CSMD2: variants seen among roughly 807,000 people sequenced by gnomAD.
CSMD2 encodes the protein CUB and sushi domain-containing protein 2.
In CSMD2, 130 loss-of-function variants were observed where a neutral mutation model predicts 398.5. That is an observed-to-expected ratio of 0.33 (90% confidence interval 0.28 to 0.38). The LOEUF (loss-of-function observed/expected upper bound fraction) is 0.38. Ranked by LOEUF, CSMD2 falls within the 10% of genes least tolerant of loss-of-function variation. The probability of loss-of-function intolerance (pLI) is 1.00; values close to 1 mark genes in which losing one functional copy is unlikely to be tolerated. For missense variants in CSMD2, 3,829 were observed against 4,764.9 expected (o/e 0.80, Z 5.78); for synonymous variants, 1,828 against 1,908.5 (o/e 0.96, Z 1.10).
At position 34,077,456 on chromosome 1, in the gene CSMD2, C is replaced by CAA. The variant is rs34856451; in HGVS notation, c.404+11519_404+11520dup. Among the ~76,000 whole-genome samples the CAA allele has an allele frequency of 8.6e-3, 242 of 28,262 alleles. 14 individuals carry two copies. The highest frequency in any genetic ancestry group is 0.011 in the Non-Finnish European group (173 of 15,912). The allele number at this position is 28,262 out of a possible 152,430, so 18.5% of individuals were successfully genotyped here. A position where few individuals can be genotyped will look rare whatever the true frequency, so the allele number is the denominator to read the frequency against. ...TGGGCTAAAGAGCGGAACTCCGTCT[C>CAA]AAAAAAAAAAAAAAAAAAAAAAGCA... On this transcript the variant is annotated intron_variant, in intron 2 of 70. Transcript: ENST00000373381.
chr1:33,603,908 C>A (rs1640402675), intron 42 of CSMD2, among the ~76,000 whole-genome samples: 1 of 152,208 alleles, frequency 6.6e-6, no homozygotes, highest in Non-Finnish European at 1.5e-5. Context: ...AAACATGGCA[C>A]ATTGGAAAAC....
chr1:33,964,930 A>G (rs568747992), intron 3 of CSMD2, among the ~76,000 whole-genome samples: 125 of 152,330 alleles, frequency 8.2e-4, no homozygotes, highest in African/African-American at 2.8e-3. Flanking sequence ...TAGCAAGACT[A>G]TAGAGGATCA....
chr1:33,596,819 C>A (rs1009764857), intron 44 of CSMD2, among the ~76,000 whole-genome samples: 17 of 152,180 alleles, frequency 1.1e-4, no homozygotes, highest in Admixed American at 5.2e-4. Context: ...GGGACACAGC[C>A]AAACCATATC....
intron 4 of CSMD2, among the ~76,000 whole-genome samples, chr1:33,928,897 T>G (rs1644217136): frequency 6.6e-6 from 1 of 152,312 alleles, no homozygotes; most frequent in East Asian, 1.9e-4. Context: ...CTCTTTGCTA[T>G]CTACAGTGTT....
chr1:33,878,746 A>T (rs183159284), intron 5 of CSMD2, among the ~76,000 whole-genome samples: 1 of 152,356 alleles, frequency 6.6e-6, no homozygotes, highest in East Asian at 1.9e-4. Flanking sequence ...CAAATGGGAA[A>T]AGCAAGCCCT....
intron 1 of CSMD2, among the ~76,000 whole-genome samples, chr1:34,150,539 A>G (rs1640209780): frequency 6.6e-6 from 1 of 152,098 alleles, no homozygotes; most frequent in African/African-American, 2.4e-5. Flanking sequence ...CAACTGCAAA[A>G]TGACAGAATT....
At chr1:34,162,765 A>C (rs1033780512) in intron 1 of CSMD2, among the ~76,000 whole-genome samples, 2 of 152,314 alleles carry the variant, frequency 1.3e-5, no homozygotes, top group African/African-American at 4.8e-5. Context: ...AGACTGAGGC[A>C]GGAGAATCGC....
intron 2 of CSMD2, among the ~76,000 whole-genome samples, chr1:34,063,710 C>G (rs1654785319): frequency 6.6e-6 from 1 of 152,194 alleles, no homozygotes; most frequent in Admixed American, 6.5e-5. Flanking sequence ...ATCTACCATT[C>G]TGGGGTCTGG....
rs1642775526 is a variant in CSMD2, at chr1:33,635,973, A to C, written c.4969+387T>G. Among the ~76,000 whole-genome samples, 1 of 152,060 alleles carries C rather than the reference A, an allele frequency of 6.6e-6. No individual in the cohort carries two copies. The highest frequency in any genetic ancestry group is 1.5e-5 in the Non-Finnish European group (1 of 67,992). On this transcript the variant is annotated intron_variant, in intron 30 of 70. Coordinates refer to ENST00000373381, the MANE Select transcript of CSMD2 (RefSeq NM_001281956.2). This position sits in a 1 kb window ranked among gnomAD's most constrained non-coding sequence, Gnocchi z 5.0. The stretch of plus-strand genomic sequence containing the variant: ...TCACCCAGACCCACCTGGAATCAGC[A>C]CACCCTGCGGGCCTTACTTCAACAT...
Position 33,583,628 on chromosome 1 carries a change from T to C in CSMD2, c.7240+14A>G. Reference sequence around the variant, plus strand: ...TTCTGCAGCAGAGAACTGTGAGGCATTTGACTGACTTACCATCAAAAATCT... The same window carrying C: ...TTCTGCAGCAGAGAACTGTGAGGCACTTGACTGACTTACCATCAAAAATCT... On this transcript the variant is annotated intron_variant, in intron 47 of 70. Coordinates refer to ENST00000373381, the MANE Select transcript of CSMD2 (RefSeq NM_001281956.2). 6.2e-7 allele frequency: 1 copy of C among 1,612,378 alleles called. No individual in the cohort carries two copies. Among genetic ancestry groups the C allele is most frequent in the Middle Eastern group, 1.7e-4 (1 of 6,048 alleles).
intron 3 of CSMD2, among the ~76,000 whole-genome samples, chr1:33,964,179 G>A (rs976399303): frequency 4.6e-5 from 7 of 152,176 alleles, no homozygotes; most frequent in South Asian, 2.1e-4. Context: ...GAGAGAAGGC[G>A]CTGCAGCAAG....
chr1:33,991,159 C>T (rs1646541440), intron 3 of CSMD2, among the ~76,000 whole-genome samples: 1 of 152,000 alleles, frequency 6.6e-6, no homozygotes, highest in Non-Finnish European at 1.5e-5. Flanking sequence ...GCACTCCCCA[C>T]CATGTCTGGT....
In CSMD2 at chr1:33,783,431, TTCTCTCTCTCTCTCTCTC is replaced by T. The variant is rs55769634; in HGVS notation, c.1663+5151_1663+5168del. Among the ~76,000 whole-genome samples, 96 of 135,250 alleles carry T rather than the reference TTCTCTCTCTCTCTCTCTC, an allele frequency of 7.1e-4. 1 individual carries two copies. Among genetic ancestry groups the T allele is most frequent in the Middle Eastern group, 3.6e-3 (1 of 280 alleles). 88.7% of individuals were successfully genotyped at this position (135,250 alleles called of 152,430 possible). A position where few individuals can be genotyped will look rare whatever the true frequency, so the allele number is the denominator to read the frequency against. ...AAACAACACCATGCTCATTCTCTCA[TTCTCTCTCTCTCTCTCTC>T]TCTCTCTCTCTCTCTCTCTCTCTCT... is the stretch of plus-strand genomic sequence containing the variant. On this transcript the variant is annotated intron_variant, in intron 12 of 70. Transcript: ENST00000373381.
intron 11 of CSMD2, among the ~76,000 whole-genome samples, chr1:33,790,845 C>CTATT (rs1553207628): frequency 2.8e-3 from 355 of 128,704 alleles, no homozygotes; most frequent in Middle Eastern, 8.8e-3. Flanking sequence ...ATCTATCTAT[C>CTATT]ATCTATCTAT....
chr1:33,898,081 G>A (rs74069761), intron 5 of CSMD2, among the ~76,000 whole-genome samples: 1,792 of 152,234 alleles, frequency 0.012, 41 homozygotes, highest in African/African-American at 0.042. Flanking sequence ...AGAGGTGAAG[G>A]GACTTGCCTA....
At chr1:34,078,708 C>T (rs774478336) in intron 2 of CSMD2, among the ~76,000 whole-genome samples, 1 of 152,192 alleles carries the variant, frequency 6.6e-6, no homozygotes, top group Non-Finnish European at 1.5e-5. Flanking sequence ...CACAGGAAAA[C>T]ACTGAGACAG....
chr1:33,628,439 C>T (rs924849747), intron 32 of CSMD2, among the ~76,000 whole-genome samples: 2 of 152,008 alleles, frequency 1.3e-5, no homozygotes, highest in African/African-American at 4.8e-5. Flanking sequence ...GAGGCTGAGG[C>T]GGGCGGATCA....
intron 1 of CSMD2, among the ~76,000 whole-genome samples, chr1:34,107,580 G>A (rs891259067): frequency 6.6e-6 from 1 of 152,158 alleles, no homozygotes; most frequent in African/African-American, 2.4e-5. Context: ...GCAATCTGGT[G>A]CCACATCCTG....
chr1:33,740,577 T>A (rs1388101263), intron 14 of CSMD2, among the ~76,000 whole-genome samples: 2 of 152,176 alleles, frequency 1.3e-5, no homozygotes, highest in East Asian at 3.9e-4. Flanking sequence ...ACTGTGATGA[T>A]CCCATGCAGG....
Sources: gnomAD v4.1 joint callset for allele counts (sites outside exome capture counted in the v4.1 genomes callset) on GRCh38, gnomAD v4.1.1 for gene constraint, Gnocchi (gnomAD v3.1) non-coding constraint, MANE v1.5 for transcripts, NCBI Gene and HGNC (gene_info 2026-07-23, HGNC 2026-07-21) for gene names.